RORA: variants seen among roughly 807,000 people sequenced by gnomAD.
RORA encodes RAR related orphan receptor A, also known as nuclear receptor ROR-alpha.
Under a neutral mutation model 69.5 loss-of-function variants are expected in RORA, and 7 were observed. That is an observed-to-expected ratio of 0.10 (90% confidence interval 0.06 to 0.19). RORA has a LOEUF of 0.19. Among genes scored for constraint, RORA ranks in the 10% least tolerant of loss-of-function variants. RORA has a pLI of 1.00. For missense variants in RORA, 457 were observed against 663.0 expected (o/e 0.69, Z 3.41); for synonymous variants, 261 against 240.8 (o/e 1.08, Z -0.78).
intron 1 of RORA, among the ~76,000 whole-genome samples, chr15:60,805,099 C>A (rs2072641746): frequency 6.6e-6 from 1 of 152,154 alleles, no homozygotes; most frequent in African/African-American, 2.4e-5. Flanking sequence ...ACTGCTTCCG[C>A]CAGTCACTTC....
At chr15:61,196,385 T>C (rs1188632394) in intron 1 of RORA, among the ~76,000 whole-genome samples, 1 of 152,172 alleles carries the variant, frequency 6.6e-6, no homozygotes, top group Non-Finnish European at 1.5e-5. Flanking sequence ...TATTTAGGGA[T>C]GGAAAAGCCT....
At chr15:60,899,298 G>C (rs974904068) in intron 1 of RORA, among the ~76,000 whole-genome samples, 5 of 152,142 alleles carry the variant, frequency 3.3e-5, no homozygotes, top group Non-Finnish European at 5.9e-5. Context: ...TCAGCTACCT[G>C]GGCATGTCAA....
chr15:61,057,386 T>C (rs935838294), intron 1 of RORA, among the ~76,000 whole-genome samples: 2 of 152,222 alleles, frequency 1.3e-5, no homozygotes, highest in African/African-American at 4.8e-5. Flanking sequence ...TGCCCCACAC[T>C]CACACGTGAT....
intron 1 of RORA, among the ~76,000 whole-genome samples, chr15:61,117,565 G>A (rs544077693): frequency 2.0e-5 from 3 of 152,148 alleles, no homozygotes; most frequent in South Asian, 2.1e-4. Context: ...CCTTTACTTC[G>A]AAGTGCCATG....
intron 1 of RORA, among the ~76,000 whole-genome samples, chr15:60,872,059 A>G (rs2073562543): frequency 1.3e-5 from 2 of 152,226 alleles, no homozygotes; most frequent in African/African-American, 4.8e-5. Flanking sequence ...TGCTTTGGAG[A>G]ATAACTCACT....
chr15:60,826,832 A>G (rs758836184), intron 1 of RORA, among the ~76,000 whole-genome samples: 2 of 149,098 alleles, frequency 1.3e-5, no homozygotes, highest in Admixed American at 6.7e-5. Context: ...TTCCCATCAA[A>G]TTCCAAGCTT....
intron 1 of RORA, among the ~76,000 whole-genome samples, chr15:61,023,338 G>A (rs1895641374): frequency 6.6e-6 from 1 of 152,088 alleles, no homozygotes; most frequent in Non-Finnish European, 1.5e-5. Flanking sequence ...CATGGCAGGA[G>A]GCAAAAGACA....
At chr15:60,821,870 C>G (rs2072897655) in intron 1 of RORA, among the ~76,000 whole-genome samples, 2 of 152,204 alleles carry the variant, frequency 1.3e-5, no homozygotes, top group Admixed American at 6.5e-5. Flanking sequence ...GTAATTCGAT[C>G]AAAGTCACAC....
At chr15:61,218,894 C>T (rs865993278) in intron 1 of RORA, among the ~76,000 whole-genome samples, 1 of 152,186 alleles carries the variant, frequency 6.6e-6, no homozygotes, top group African/African-American at 2.4e-5. Flanking sequence ...AGACAAGGTA[C>T]AGCCTTAAAT....
intron 1 of RORA, among the ~76,000 whole-genome samples, chr15:61,129,683 A>G (rs1308076221): frequency 6.6e-6 from 1 of 152,248 alleles, no homozygotes; most frequent in Non-Finnish European, 1.5e-5. Flanking sequence ...GTTCAGTCAA[A>G]GGATCAGAAA....
At chr15:61,059,164 T>G (rs1210173023) in intron 1 of RORA, among the ~76,000 whole-genome samples, 1 of 152,198 alleles carries the variant, frequency 6.6e-6, no homozygotes, top group Non-Finnish European at 1.5e-5. Flanking sequence ...GATTATAGTC[T>G]CCTACAGAGA....
intron 2 of RORA, among the ~76,000 whole-genome samples, chr15:60,669,458 T>C (rs1260106159): frequency 6.6e-6 from 1 of 152,178 alleles, no homozygotes; most frequent in Non-Finnish European, 1.5e-5. Context: ...GAGAAGGGAC[T>C]GGAGCAGGGA....
At position 60,503,615 on chromosome 15, in the gene RORA, T is replaced by C; in HGVS notation, c.995A>G (p.Gln332Arg). ...LCAIKITEAI[Q>R]YVVEFAKRID... is the part of the protein sequence containing the mutation. The stretch of plus-strand genomic sequence containing the variant: ...GCGTTTGGCAAACTCCACCACATAC[T>C]GTATAGCTTCTGTAATTTTGATGGC... The change falls in exon 7 of 11, where the codon CAG (glutamine) becomes CGG (arginine). Residue 332 changes from glutamine (Q) to arginine (R), a missense_variant. By Grantham distance (43) the Gln-to-Arg change is conservative. Around this residue, in one of 3 missense-constraint regions of RORA, gnomAD observed 304 missense variants for 447.4 expected, o/e 0.68. Coordinates refer to ENST00000335670, the MANE Select transcript of RORA (RefSeq NM_134261.3). 3 of 1,614,002 alleles carry C rather than the reference T, an allele frequency of 1.9e-6. No homozygotes were observed. The highest frequency in any genetic ancestry group is 2.2e-5 in the East Asian group (1 of 44,896).
chr15:60,530,377 G>C (rs2066492370), intron 3 of RORA: 1 of 152,146 alleles, frequency 6.6e-6, no homozygotes, highest in South Asian at 2.1e-4. Context: ...CTGTAACCTT[G>C]AACTCCTGGA....
chr15:60,702,666 GA>G (rs2071000635), intron 1 of RORA, among the ~76,000 whole-genome samples: 1 of 152,214 alleles, frequency 6.6e-6, no homozygotes, highest in African/African-American at 2.4e-5. Flanking sequence ...ACCTAGCTTG[GA>G]AAATTTTACA....
Position 61,113,210 on chromosome 15 carries a change from G to C in RORA, c.166+115843C>G, listed in dbSNP as rs147867980. ...TCTAACCTTACAAGGTAAGTGTTCT[G>C]CTCTTTCTAGTTAGTACAGAAATGC... On this transcript the variant is annotated intron_variant, in intron 1 of 10. Transcript: ENST00000335670. Among the ~76,000 whole-genome samples, 16 of 152,352 alleles carry C rather than the reference G, an allele frequency of 1.1e-4. No individual in the cohort carries two copies. In the East Asian group the frequency reaches 3.1e-3, roughly 29 times the overall value.
intron 2 of RORA, among the ~76,000 whole-genome samples, chr15:60,592,091 T>C (rs1317532290): frequency 6.6e-6 from 1 of 151,938 alleles, no homozygotes; most frequent in African/African-American, 2.4e-5. Flanking sequence ...CAAACTTTCT[T>C]TTGGGAGACC....
rs1390436277 is a variant in RORA, at chr15:60,497,423, C to A, written c.*32G>T. On this transcript the variant is annotated 3_prime_UTR_variant, in exon 11 of 11. Coordinates refer to ENST00000335670, the MANE Select transcript of RORA (RefSeq NM_134261.3). ...TTGTTTGTTTTTCATGTTTGTACTTCAGACATTCTAGAAGTGCTTAGGTGA... is the reference window on the plus strand; with the variant it reads ...TTGTTTGTTTTTCATGTTTGTACTTAAGACATTCTAGAAGTGCTTAGGTGA... 6.2e-7 allele frequency: 1 copy of A among 1,603,822 alleles called. No individual in the cohort carries two copies. Among genetic ancestry groups the A allele is most frequent in the East Asian group, 2.2e-5 (1 of 44,782 alleles).
In RORA at chr15:60,819,767, A is replaced by ACACACACACACGCGCG. The variant is rs1555455764; in HGVS notation, c.167-141082_167-141081insCGCGCGTGTGTGTGTG. 4.7e-5 allele frequency among the ~76,000 whole-genome samples: 7 copies of ACACACACACACGCGCG among 147,634 alleles called. No homozygotes were observed. The South Asian group carries it at 6.5e-4, about 14-fold the overall frequency. ...CCCAGACACACACACACACACACAC[A>ACACACACACACGCGCG]CACACACACACACACACACACACAC... is the stretch of plus-strand genomic sequence containing the variant. On this transcript the variant is annotated intron_variant, in intron 1 of 10. Transcript: ENST00000335670.
Sources: allele counts gnomAD v4.1 joint callset (sites outside exome capture counted in the v4.1 genomes callset), GRCh38; gene constraint gnomAD v4.1.1; regional missense constraint gnomAD v4.1.1; transcripts MANE v1.5; gene names NCBI Gene and HGNC (gene_info 2026-07-23, HGNC 2026-07-21).